The following SLC25A21 variants were observed in gnomAD, a reference collection of about 807,000 sequenced individuals.
SLC25A21 encodes mitochondrial 2-oxodicarboxylate carrier.
A neutral mutation model predicts 43.8 loss-of-function variants in SLC25A21; 47 were observed. The observed-to-expected ratio is 1.07, with a 90% CI of 0.85 to 1.37. The LOEUF (loss-of-function observed/expected upper bound fraction) is 1.37, where lower values mean the gene tolerates loss of function less well. Ranked by LOEUF, SLC25A21 falls within the 40% of genes most tolerant of loss-of-function variation. SLC25A21 has a pLI of 0.00. For synonymous variants in SLC25A21, 131 were observed against 121.3 expected (o/e 1.08, Z -0.52); for missense variants, 352 against 350.2 (o/e 1.00, Z -0.04).
intron 1 of SLC25A21, among the ~76,000 whole-genome samples, chr14:36,895,025 G>A (rs1232464309): frequency 6.6e-6 from 1 of 152,140 alleles, no homozygotes; most frequent in Non-Finnish European, 1.5e-5. Flanking sequence ...TCTCTGCCAG[G>A]CTTTGGTATC....
chr14:36,928,271 A>C (rs1892187439), intron 1 of SLC25A21, among the ~76,000 whole-genome samples: 1 of 152,210 alleles, frequency 6.6e-6, no homozygotes, highest in Non-Finnish European at 1.5e-5. Flanking sequence ...AAAAATAAAC[A>C]GGTACTCCAA....
chr14:36,745,746 C>T (rs1885469167), intron 3 of SLC25A21, among the ~76,000 whole-genome samples: 1 of 151,798 alleles, frequency 6.6e-6, no homozygotes, highest in South Asian at 2.1e-4. Context: ...GGATATTAGC[C>T]CTTTGTCAGA....
Position 36,832,201 on chromosome 14 carries a change from T to C in SLC25A21, c.120-18200A>G, listed in dbSNP as rs138215262. Among the ~76,000 whole-genome samples the C allele has an allele frequency of 4.5e-4, 69 of 152,294 alleles. No individual in the cohort carries two copies. In the East Asian group the frequency reaches 9.8e-3, roughly 22 times the overall value. On this transcript the variant is annotated intron_variant, in intron 2 of 9. Coordinates refer to ENST00000331299, the MANE Select transcript of SLC25A21 (RefSeq NM_030631.4). ...TGACTTGAAAATCACCACCAGAGTA[T>C]AGTGGAAATCAAAAAGTATGTTTTT...
intron 2 of SLC25A21, among the ~76,000 whole-genome samples, chr14:36,820,650 A>C (rs1470665168): frequency 1.3e-5 from 2 of 152,242 alleles, no homozygotes; most frequent in Admixed American, 1.3e-4. Flanking sequence ...GAGGGAAAGC[A>C]GCACACAGAC....
At chr14:37,125,854 T>C (rs1408472390) in intron 1 of SLC25A21, among the ~76,000 whole-genome samples, 2 of 152,180 alleles carry the variant, frequency 1.3e-5, no homozygotes, top group Admixed American at 1.3e-4. Context: ...GATTTCATTG[T>C]ACTGAGTAAG....
intron 1 of SLC25A21, chr14:37,097,018 G>T (rs1962707286): frequency 1.4e-5 from 2 of 145,150 alleles, no homozygotes; most frequent in African/African-American, 5.4e-5. Flanking sequence ...CAAAGGGCTG[G>T]TTTTTTTTTT....
intron 3 of SLC25A21, among the ~76,000 whole-genome samples, chr14:36,811,382 G>A (rs1212573217): frequency 1.3e-5 from 2 of 152,094 alleles, no homozygotes. Context: ...TGGGTGTGGT[G>A]GCTCACACCT....
At chr14:37,019,431 C>T (rs116450587) in intron 1 of SLC25A21, among the ~76,000 whole-genome samples, 17 of 151,998 alleles carry the variant, frequency 1.1e-4, no homozygotes, top group African/African-American at 3.9e-4. Flanking sequence ...CTTAATATCA[C>T]ATATCACAAG....
chr14:37,053,600 C>T (rs896677080), intron 1 of SLC25A21, among the ~76,000 whole-genome samples: 3 of 152,132 alleles, frequency 2.0e-5, no homozygotes. Context: ...GTGGAAGCAT[C>T]CAATTTGTAG....
At chr14:36,910,297 A>G (rs1290778375) in intron 1 of SLC25A21, among the ~76,000 whole-genome samples, 1 of 152,190 alleles carries the variant, frequency 6.6e-6, no homozygotes, top group Non-Finnish European at 1.5e-5. Flanking sequence ...CTTAGCGTCT[A>G]TAAAGTATCA....
intron 1 of SLC25A21, among the ~76,000 whole-genome samples, chr14:37,014,781 C>A (rs1960809464): frequency 6.6e-6 from 1 of 152,134 alleles, no homozygotes; most frequent in Non-Finnish European, 1.5e-5. Context: ...AATTACTCCT[C>A]AATCCATGGG....
intron 1 of SLC25A21, among the ~76,000 whole-genome samples, chr14:37,118,789 A>C (rs1283530661): frequency 6.6e-6 from 1 of 152,054 alleles, no homozygotes; most frequent in East Asian, 1.9e-4. Context: ...ATCCACCATT[A>C]CAATAATTTT....
intron 1 of SLC25A21, among the ~76,000 whole-genome samples, chr14:37,037,718 T>C (rs1290107893): frequency 1.3e-5 from 2 of 152,130 alleles, no homozygotes; most frequent in Admixed American, 6.6e-5. Context: ...TTGAGGAGCA[T>C]TTTAGTCTCT....
At chr14:37,087,489 C>T (rs937231416) in intron 1 of SLC25A21, among the ~76,000 whole-genome samples, 1 of 152,192 alleles carries the variant, frequency 6.6e-6, no homozygotes, top group African/African-American at 2.4e-5. Context: ...AGTAGCACTA[C>T]ACCCAAGATT....
intron 1 of SLC25A21, among the ~76,000 whole-genome samples, chr14:36,901,016 C>A (rs1328350868): frequency 1.3e-5 from 2 of 151,854 alleles, no homozygotes; most frequent in Non-Finnish European, 2.9e-5. Flanking sequence ...CCAATATATG[C>A]TATATATTAC....
Position 36,813,926 on chromosome 14 carries a change from T to C in SLC25A21, c.195A>G (p.Gln65=), listed in dbSNP as rs775448596. ...SLVDSFRMIF[Q]MEGLFGFYKG... is the part of the protein sequence containing the mutation. ...ATGAAGAATATACATACCCTTCCATTTGGAAAATCATTCGAAAGCTGTCTA... is the reference window on the plus strand; with the variant it reads ...ATGAAGAATATACATACCCTTCCATCTGGAAAATCATTCGAAAGCTGTCTA... The change falls in exon 3 of 10, where the codon CAA becomes CAG. Residue 65 remains glutamine (Q), a synonymous_variant. Transcript: ENST00000331299. 9 of 1,602,500 alleles carry C rather than the reference T, an allele frequency of 5.6e-6. No homozygotes were observed. The African/African-American group carries it at 9.4e-5, about 17-fold the overall frequency.
chr14:37,169,604 C>CACACACACACACACAG (rs1242965821), intron 1 of SLC25A21, among the ~76,000 whole-genome samples: 1,567 of 151,334 alleles, frequency 0.01, 17 homozygotes, highest in Middle Eastern at 0.048. Context: ...CACACACACA[C>CACACACACACACACAG]ACAGAAGTGT....
intron 3 of SLC25A21, among the ~76,000 whole-genome samples, chr14:36,764,187 A>G (rs1240954714): frequency 4.6e-5 from 4 of 86,596 alleles, no homozygotes; most frequent in Non-Finnish European, 6.6e-5. Context: ...AAAGAAAGAA[A>G]GAAAGAGAAA....
chr14:37,165,897 C>A (rs1446376164), intron 1 of SLC25A21, among the ~76,000 whole-genome samples: 1 of 152,194 alleles, frequency 6.6e-6, no homozygotes, highest in Non-Finnish European at 1.5e-5. Flanking sequence ...ATGCTCCTAG[C>A]TCCAAGTTAG....
Sources: gnomAD v4.1 joint callset for allele counts (sites outside exome capture counted in the v4.1 genomes callset) on GRCh38, gnomAD v4.1.1 for gene constraint, MANE v1.5 for transcripts, NCBI Gene and HGNC (gene_info 2026-07-23, HGNC 2026-07-21) for gene names.